PTPRN2: variants seen among roughly 807,000 people sequenced by gnomAD.
The protein encoded by PTPRN2 is receptor-type tyrosine-protein phosphatase N2.
A neutral mutation model predicts 118.8 loss-of-function variants in PTPRN2; 74 were observed. The ratio of observed to expected loss-of-function variants is 0.62; its 90% CI spans 0.52 to 0.76. The LOEUF (loss-of-function observed/expected upper bound fraction) is 0.76, where lower values mean the gene tolerates loss of function less well. Among genes scored for constraint, PTPRN2 ranks in the 30% least tolerant of loss-of-function variants. PTPRN2 has a pLI of 0.00. For synonymous variants in PTPRN2, 641 were observed against 608.0 expected (o/e 1.05, Z -0.80); for missense variants, 1,481 against 1,394.4 (o/e 1.06, Z -0.99).
chr7:158,107,624 G>T (rs2335852), intron 10 of PTPRN2, among the ~76,000 whole-genome samples: 3 of 151,970 alleles, frequency 2.0e-5, no homozygotes, highest in African/African-American at 7.2e-5. Context: ...ATCACACTGT[G>T]TAGATCAACA....
intron 1 of PTPRN2, among the ~76,000 whole-genome samples, chr7:158,581,550 A>T (rs1828627791): frequency 1.3e-5 from 2 of 152,230 alleles, no homozygotes; most frequent in African/African-American, 4.8e-5. Flanking sequence ...ATTAAATTTT[A>T]AAAAGAAAGC....
At chr7:158,193,277 G>A (rs1158002120) in intron 4 of PTPRN2, among the ~76,000 whole-genome samples, 6 of 152,198 alleles carry the variant, frequency 3.9e-5, no homozygotes, top group African/African-American at 1.4e-4. Context: ...GCTGCGTGCT[G>A]AAGGCATAAA....
At chr7:158,328,507 T>G (rs1441169981) in intron 2 of PTPRN2, among the ~76,000 whole-genome samples, 1 of 152,204 alleles carries the variant, frequency 6.6e-6, no homozygotes, top group Non-Finnish European at 1.5e-5. Context: ...GCACAGCCTA[T>G]GCATCTGCAG....
intron 2 of PTPRN2, among the ~76,000 whole-genome samples, chr7:158,441,046 TGGTGGTAGTGATGGG>T (rs200802034): frequency 0.35 from 47,503 of 133,852 alleles, 4,760 homozygotes; most frequent in East Asian, 0.48. Context: ...GTAGTAGTGA[TGGTGGTAGTGATGGG>T]GGTGGTAGTG....
At chr7:158,247,263 G>A (rs1373700025) in intron 3 of PTPRN2, among the ~76,000 whole-genome samples, 1 of 152,246 alleles carries the variant, frequency 6.6e-6, no homozygotes, top group African/African-American at 2.4e-5. Flanking sequence ...AAGAGGGGTG[G>A]AGGAAGGGGG....
At chr7:157,920,583 T>C (rs1369797980) in intron 11 of PTPRN2, among the ~76,000 whole-genome samples, 2 of 152,190 alleles carry the variant, frequency 1.3e-5, no homozygotes, top group East Asian at 3.8e-4. Flanking sequence ...CACTTGTGTT[T>C]TATCAATACA....
rs1388852544 is a variant in PTPRN2 at position 158,521,620 on chromosome 7, CA to C, written c.113-31836del. Among the ~76,000 whole-genome samples, 269 of 120,366 alleles carry C rather than the reference CA, an allele frequency of 2.2e-3. 26 individuals are homozygous for C. Among genetic ancestry groups the C allele is most frequent in the African/African-American group, 5.7e-3 (157 of 27,560 alleles). The allele number at this position is 120,366 out of a possible 152,430, so 79.0% of individuals were successfully genotyped here. On this transcript the variant is annotated intron_variant, in intron 1 of 22. Coordinates refer to ENST00000389418, the MANE Select transcript of PTPRN2 (RefSeq NM_002847.5). Reference sequence around the variant, plus strand: ...ATGGTGGACTGTCCAGGTAGTGGCTCAGGAGGGAGGTCCACGTCACAATGGT... The same window carrying C: ...ATGGTGGACTGTCCAGGTAGTGGCTCGGAGGGAGGTCCACGTCACAATGGT...
At chr7:158,239,770 G>A (rs755646990) in intron 3 of PTPRN2, among the ~76,000 whole-genome samples, 2 of 152,190 alleles carry the variant, frequency 1.3e-5, no homozygotes, top group Non-Finnish European at 2.9e-5. Flanking sequence ...AAGACAAGAC[G>A]TCAGTCATTT....
chr7:158,583,767 G>A (rs1257289044), intron 1 of PTPRN2, among the ~76,000 whole-genome samples: 20 of 152,166 alleles, frequency 1.3e-4, no homozygotes, highest in Non-Finnish European at 5.9e-5. Context: ...GGCTGATGGA[G>A]ACCGAGCAGG....
In PTPRN2 at chr7:157,596,577, TC is replaced by T. The variant is rs1392426104; in HGVS notation, c.2419-1263del. 6.6e-6 allele frequency among the ~76,000 whole-genome samples: 1 copy of T among 152,142 alleles called. No individual in the cohort carries two copies. The highest frequency in any genetic ancestry group is 1.5e-5 in the Non-Finnish European group (1 of 68,032). Reference sequence around the variant, plus strand: ...GCGTCAGATGGAGGTGGTTCTGTCTTCCAGAGGGCAAGCCCAGGCCACCCTG... The same window carrying T: ...GCGTCAGATGGAGGTGGTTCTGTCTTCAGAGGGCAAGCCCAGGCCACCCTG... On this transcript the variant is annotated intron_variant, in intron 16 of 22. Transcript: ENST00000389418. The surrounding 1 kb of genome is among the most constrained non-coding windows in gnomAD (Gnocchi z 4.2).
intron 13 of PTPRN2, among the ~76,000 whole-genome samples, chr7:157,663,227 C>A (rs914653026): frequency 6.6e-6 from 1 of 152,054 alleles, no homozygotes; most frequent in African/African-American, 2.4e-5. Flanking sequence ...GCACCAGGCC[C>A]GCGAGGAGGT....
At chr7:158,496,215 C>T (rs1427778829) in intron 1 of PTPRN2, among the ~76,000 whole-genome samples, 1 of 145,604 alleles carries the variant, frequency 6.9e-6, no homozygotes, top group African/African-American at 2.5e-5. Context: ...CTGCAGCCTC[C>T]CCCTTCCCTT....
chr7:158,205,233 G>GTCCATCACA lies in PTPRN2; in HGVS notation c.309_317dup (p.Val104_Asp106dup). ...TTTTCGGGAGGTCTGCAAGTTCCTG[G>GTCCATCACA]TCCATCACATACTGAGTATAGTCAT... is the stretch of plus-strand genomic sequence containing the variant. On this transcript the variant is annotated inframe_insertion, in exon 4 of 23. Coordinates refer to ENST00000389418, the MANE Select transcript of PTPRN2 (RefSeq NM_002847.5). 6.2e-7 allele frequency: 1 copy of GTCCATCACA among 1,614,082 alleles called. No homozygotes were observed. Among genetic ancestry groups the GTCCATCACA allele is most frequent in the Non-Finnish European group, 8.5e-7 (1 of 1,180,022 alleles).
At chr7:157,571,296 G>A in intron 20 of PTPRN2, 144 bp downstream of exon 20, 1 of 569,372 alleles carries the variant, frequency 1.8e-6, no homozygotes, top group South Asian at 2.5e-5. Flanking sequence ...GCATAGAAAA[G>A]TAAGTTTATA....
intron 21 of PTPRN2, among the ~76,000 whole-genome samples, 183 bp downstream of exon 21, chr7:157,568,719 G>A (rs1799609898): frequency 6.6e-6 from 1 of 152,122 alleles, no homozygotes; most frequent in Non-Finnish European, 1.5e-5. Flanking sequence ...CGCAGAGGCA[G>A]GTAACAAACG....
chr7:158,333,584 C>CAG (rs2151174014), intron 2 of PTPRN2, among the ~76,000 whole-genome samples: 1 of 131,968 alleles, frequency 7.6e-6, no homozygotes, highest in East Asian at 2.5e-4. Flanking sequence ...GATGCCGGCA[C>CAG]ACGTCACACA....
At position 158,361,315 on chromosome 7, in the gene PTPRN2, T is replaced by G. The variant is rs2151291964; in HGVS notation, c.164-44383A>C. Among the ~76,000 whole-genome samples the G allele has an allele frequency of 2.0e-4, 12 of 59,056 alleles. 4 individuals are homozygous for G. The highest frequency in any genetic ancestry group is 1.8e-3 in the South Asian group (2 of 1,086). The allele number at this position is 59,056 out of a possible 152,430, so 38.7% of individuals were successfully genotyped here. On this transcript the variant is annotated intron_variant, in intron 2 of 22. Transcript: ENST00000389418. ...ACCCTGGCAACCCACAGACCCCGTG[T>G]CCACCCTCACCTGGGACGACTCACA...
intron 1 of PTPRN2, among the ~76,000 whole-genome samples, chr7:158,552,477 G>A (rs1006799219): frequency 1.3e-5 from 2 of 152,204 alleles, no homozygotes; most frequent in East Asian, 3.8e-4. Flanking sequence ...CTAGGCTGGA[G>A]TGCGGGCTGG....
chr7:158,521,655 C>G (rs536420192), intron 1 of PTPRN2, among the ~76,000 whole-genome samples: 1 of 89,340 alleles, frequency 1.1e-5, no homozygotes, highest in Non-Finnish European at 2.1e-5. Context: ...GTGGACTGTC[C>G]AGGTGCTGGC....
Sources: gnomAD v4.1 joint callset for allele counts (sites outside exome capture counted in the v4.1 genomes callset) on GRCh38, gnomAD v4.1.1 for gene constraint, Gnocchi (gnomAD v3.1) non-coding constraint, MANE v1.5 for transcripts, NCBI Gene and HGNC (gene_info 2026-07-23, HGNC 2026-07-21) for gene names.